Variants in SEC63 observed in about 807,000 individuals in gnomAD.
The protein encoded by SEC63 is translocation protein SEC63 homolog.
A neutral mutation model predicts 116.2 loss-of-function variants in SEC63; 56 were observed. The ratio of observed to expected loss-of-function variants is 0.48; its 90% CI spans 0.39 to 0.60. The LOEUF is 0.60. Among genes scored for constraint, SEC63 ranks in the 20% least tolerant of loss-of-function variants. The pLI is 0.00. For missense variants in SEC63, 668 were observed against 900.0 expected (o/e 0.74, Z 3.30); for synonymous variants, 273 against 294.6 (o/e 0.93, Z 0.75).
intron 16 of SEC63, among the ~76,000 whole-genome samples, chr6:107,889,086 A>G (rs1786609855): frequency 6.6e-6 from 1 of 152,212 alleles, no homozygotes; most frequent in Non-Finnish European, 1.5e-5. Context: ...TTTTGGTATC[A>G]GGATGATGCT....
At chr6:107,953,399 G>T (rs1328172396) in intron 1 of SEC63, among the ~76,000 whole-genome samples, 1 of 152,128 alleles carries the variant, frequency 6.6e-6, no homozygotes, top group Admixed American at 6.5e-5. Flanking sequence ...GGAGGTGGGG[G>T]GGTCAGCCCC....
At chr6:107,900,164 G>A (rs182329661) in intron 13 of SEC63, among the ~76,000 whole-genome samples, 1 of 149,148 alleles carries the variant, frequency 6.7e-6, no homozygotes, top group African/African-American at 2.4e-5. Flanking sequence ...GTGTGTGTGT[G>A]TTTTTTTTTT....
rs1226884406 is a variant in SEC63, at chr6:107,867,783, AAAT to A, written c.*3918_*3920del. The A allele has an allele frequency of 4.6e-5, 7 of 152,160 alleles. No homozygotes were observed. Among genetic ancestry groups the A allele is most frequent in the African/African-American group, 1.2e-4 (5 of 41,422 alleles). The allele number at this position is 152,160 out of a possible 1,614,324, so 9.4% of individuals were successfully genotyped here. A position where few individuals can be genotyped will look rare whatever the true frequency, so the allele number is the denominator to read the frequency against. On this transcript the variant is annotated 3_prime_UTR_variant, in exon 21 of 21. Transcript: ENST00000369002. ...AATGCACCAATAAATGTTTATTTAT[AAAT>A]AATAGAAGTGTACAATTGTACAATA...
intron 1 of SEC63, among the ~76,000 whole-genome samples, chr6:107,936,553 A>T (rs114213393): frequency 0.045 from 6,890 of 152,302 alleles, 478 homozygotes; most frequent in African/African-American, 0.16. Flanking sequence ...ATTTTTTTAA[A>T]GAAATTATCC....
rs368342274 is a variant in SEC63, at chr6:107,943,744, AAG to A, written c.124+14140_124+14141del. Among the ~76,000 whole-genome samples, 24 of 152,302 alleles carry A rather than the reference AAG, an allele frequency of 1.6e-4. No homozygotes were observed. In the South Asian group the frequency reaches 2.7e-3, roughly 17 times the overall value. On this transcript the variant is annotated intron_variant, in intron 1 of 20. Transcript: ENST00000369002. ...GGAGCAGCAACCAGTAAAAGACTGA[AAG>A]AGTGTGTTTCACTGTGTTCAAAAGT... is the stretch of plus-strand genomic sequence containing the variant.
intron 19 of SEC63, among the ~76,000 whole-genome samples, chr6:107,874,317 G>A (rs560751063): frequency 4.6e-5 from 7 of 152,096 alleles, no homozygotes; most frequent in Non-Finnish European, 2.9e-5. Flanking sequence ...CAAGGAAGCC[G>A]GGCACGGTGG....
At chr6:107,928,280 C>T (rs1787720425) in intron 2 of SEC63, among the ~76,000 whole-genome samples, 1 of 151,830 alleles carries the variant, frequency 6.6e-6, no homozygotes, top group Non-Finnish European at 1.5e-5. Flanking sequence ...CCCAAGAGTT[C>T]GAGACCAGCC....
chr6:107,940,203 T>C (rs1403186904), intron 1 of SEC63, among the ~76,000 whole-genome samples: 1 of 150,848 alleles, frequency 6.6e-6, no homozygotes, highest in Non-Finnish European at 1.5e-5. Flanking sequence ...AAACACTGGA[T>C]CACAGCAGAA....
intron 10 of SEC63, among the ~76,000 whole-genome samples, chr6:107,905,740 A>G (rs1016120771): frequency 1.3e-5 from 2 of 152,168 alleles, no homozygotes; most frequent in African/African-American, 4.8e-5. Context: ...AAAAACTTAC[A>G]AAGTCCTTTA....
chr6:107,871,712 C>T lies in SEC63; in HGVS notation c.2275G>A (p.Asp759Asn), dbSNP rs777976845. Residue 759 changes from aspartate (D) to asparagine (N), a missense_variant, in exon 21 of 21, where the codon GAT becomes AAT. Physicochemically the swap from Asp to Asn is conservative, Grantham distance 23. Transcript: ENST00000369002. ...TCCATTCAGAGTACTGCTTAGTCATCATCTTCTTCTTCCTCCTCTTCTTCC... is the reference window on the plus strand; with the variant it reads ...TCCATTCAGAGTACTGCTTAGTCATTATCTTCTTCTTCCTCCTCTTCTTCC... ...FEEEEEEEEDDD is the reference protein window; with the variant it reads ...FEEEEEEEEDND The T allele has an allele frequency of 8.7e-6, 14 of 1,612,398 alleles. No homozygotes were observed. The highest frequency in any genetic ancestry group is 1.2e-5 in the Non-Finnish European group (14 of 1,179,718).
chr6:107,929,604 A>C (rs989236223), intron 1 of SEC63, 90 bp from the exon 2 acceptor site: 1 of 746,216 alleles, frequency 1.3e-6, no homozygotes, highest in Non-Finnish European at 2.4e-6. Context: ...CTTCATTACC[A>C]CGCTAATAGT....
chr6:107,945,596 G>T (rs1327406787), intron 1 of SEC63, among the ~76,000 whole-genome samples: 1 of 151,842 alleles, frequency 6.6e-6, no homozygotes, highest in South Asian at 2.1e-4. Flanking sequence ...GAGCCACCGA[G>T]CCCAGCCGAG....
intron 16 of SEC63, among the ~76,000 whole-genome samples, chr6:107,890,507 C>G (rs1408626008): frequency 6.6e-6 from 1 of 152,104 alleles, no homozygotes. Context: ...ACGGATGGGT[C>G]TTGACTCTTT....
intron 1 of SEC63, among the ~76,000 whole-genome samples, chr6:107,954,020 A>C (rs1183256234): frequency 6.6e-6 from 1 of 152,244 alleles, no homozygotes; most frequent in Admixed American, 6.5e-5. Context: ...TTTGTGGAAT[A>C]GAAAGAGGGG....
intron 16 of SEC63, among the ~76,000 whole-genome samples, chr6:107,890,965 T>C (rs1786666468): frequency 6.6e-6 from 1 of 152,254 alleles, no homozygotes; most frequent in South Asian, 2.1e-4. Flanking sequence ...CTTCCCTTTG[T>C]GGGTAACCCG....
intron 1 of SEC63, among the ~76,000 whole-genome samples, chr6:107,948,819 C>A (rs1027148400): frequency 6.6e-6 from 1 of 152,174 alleles, no homozygotes; most frequent in African/African-American, 2.4e-5. Context: ...TAAACAGACC[C>A]TTCACAAGAT....
intron 4 of SEC63, among the ~76,000 whole-genome samples, chr6:107,920,941 A>G (rs570626410): frequency 1.3e-5 from 2 of 152,332 alleles, no homozygotes; most frequent in South Asian, 4.1e-4. Context: ...AAGGCATAAG[A>G]CCAACAAGGA....
At chr6:107,902,330 T>G (rs1484407969) in intron 12 of SEC63, among the ~76,000 whole-genome samples, 1 of 152,162 alleles carries the variant, frequency 6.6e-6, no homozygotes, top group Non-Finnish European at 1.5e-5. Flanking sequence ...AAATAATGTT[T>G]AAAATCTCCT....
intron 17 of SEC63, among the ~76,000 whole-genome samples, 168 bp downstream of exon 17, chr6:107,882,820 A>C (rs1786442078): frequency 6.6e-6 from 1 of 152,158 alleles, no homozygotes; most frequent in Non-Finnish European, 1.5e-5. Flanking sequence ...AACCTTGACT[A>C]CCATTCCTTA....
Sources: allele counts gnomAD v4.1 joint callset (sites outside exome capture counted in the v4.1 genomes callset), GRCh38; gene constraint gnomAD v4.1.1; transcripts MANE v1.5; gene names NCBI Gene and HGNC (gene_info 2026-07-23, HGNC 2026-07-21).